LRP1B: variants seen among roughly 807,000 people sequenced by gnomAD.
The protein encoded by LRP1B is LDL receptor related protein 1B, also known as low-density lipoprotein receptor-related protein 1B.
In LRP1B, 217 loss-of-function variants were observed where a neutral mutation model predicts 556.6. The ratio of observed to expected loss-of-function variants is 0.39; its 90% CI spans 0.35 to 0.44. The LOEUF is 0.44. LRP1B is among the 20% of genes least tolerant of loss of function. The probability of loss-of-function intolerance (pLI) is 1.00; values close to 1 mark genes in which losing one functional copy is unlikely to be tolerated. For missense variants in LRP1B, 5,053 were observed against 5,620.8 expected, an observed-to-expected ratio of 0.90 and a Z score of 3.23; for synonymous variants, 2,047 against 1,865.8, an observed-to-expected ratio of 1.10 and a Z score of -2.50.
At chr2:141,062,299 A>C in intron 7 of LRP1B, 26 bp from the exon 8 acceptor site, 2 of 1,519,550 alleles carry the variant, frequency 1.3e-6, no homozygotes, top group Non-Finnish European at 9.0e-7. Context: ...TAAATGTTAA[A>C]GTGGAGGGTG....
At chr2:140,490,715 T>C (rs991436507) in intron 57 of LRP1B, among the ~76,000 whole-genome samples, 16 of 152,084 alleles carry the variant, frequency 1.1e-4, no homozygotes, top group Non-Finnish European at 4.4e-5. Flanking sequence ...AAAAATATGT[T>C]CCCTGAAAGA....
chr2:141,529,863 G>A (rs555385069), intron 2 of LRP1B, among the ~76,000 whole-genome samples: 2 of 152,042 alleles, frequency 1.3e-5, no homozygotes, highest in African/African-American at 4.8e-5. Flanking sequence ...CAAGAAAAAT[G>A]ATCTACTGTA....
At chr2:142,057,606 A>T (rs1704724988) in intron 1 of LRP1B, among the ~76,000 whole-genome samples, 1 of 152,132 alleles carries the variant, frequency 6.6e-6, no homozygotes, top group Admixed American at 6.5e-5. Flanking sequence ...TTTCACCCCT[A>T]GTACGCTCAC....
chr2:141,138,820 C>G (rs2105048448), intron 7 of LRP1B, among the ~76,000 whole-genome samples: 2 of 151,888 alleles, frequency 1.3e-5, no homozygotes, highest in South Asian at 4.2e-4. Context: ...AATGAAATAT[C>G]CTCTAAAGTC....
chr2:141,094,791 A>G (rs1017379504), intron 7 of LRP1B, among the ~76,000 whole-genome samples: 3 of 152,170 alleles, frequency 2.0e-5, no homozygotes, highest in Admixed American at 2.0e-4. Context: ...TTAAGTTTAA[A>G]AGGATAGAAG....
intron 49 of LRP1B, among the ~76,000 whole-genome samples, chr2:140,525,245 T>C (rs1690380685): frequency 6.6e-6 from 1 of 151,910 alleles, no homozygotes; most frequent in African/African-American, 2.4e-5. Flanking sequence ...ATAATTTTTT[T>C]TTAATTTCAT....
At chr2:141,685,468 C>T (rs748593682) in intron 2 of LRP1B, among the ~76,000 whole-genome samples, 3 of 152,030 alleles carry the variant, frequency 2.0e-5, no homozygotes, top group Non-Finnish European at 1.5e-5. Flanking sequence ...GTGGACCATA[C>T]TAAACTGAGT....
intron 85 of LRP1B, among the ~76,000 whole-genome samples, chr2:140,270,628 ATATC>A (rs1227106956): frequency 6.6e-6 from 1 of 151,952 alleles, no homozygotes; most frequent in African/African-American, 2.4e-5. Context: ...ATATACTCTA[ATATC>A]TATCATTTAC....
At chr2:140,725,991 CAA>C (rs1687581242) in intron 35 of LRP1B, among the ~76,000 whole-genome samples, 2 of 152,022 alleles carry the variant, frequency 1.3e-5, no homozygotes, top group South Asian at 4.1e-4. Context: ...TTTAAAATAC[CAA>C]AGAGACAGCC....
At position 141,053,181 on chromosome 2, in the gene LRP1B, C is replaced by T. The variant is rs2380923; in HGVS notation, c.1552+1935G>A. 1.7e-3 allele frequency among the ~76,000 whole-genome samples: 263 copies of T among 152,062 alleles called. 5 individuals carry two copies. The highest frequency in any genetic ancestry group is 0.015 in the Admixed American group (236 of 15,228). ...TAGTAAAAAATACATTTCACAGACA[C>T]TCATATAGCCAAGGGTAGTGGATTT... is the stretch of plus-strand genomic sequence containing the variant. On this transcript the variant is annotated intron_variant, in intron 10 of 90. Coordinates refer to ENST00000389484, the MANE Select transcript of LRP1B (RefSeq NM_018557.3).
intron 55 of LRP1B, among the ~76,000 whole-genome samples, chr2:140,501,336 T>C (rs1689175916): frequency 1.3e-5 from 2 of 152,104 alleles, no homozygotes; most frequent in Non-Finnish European, 2.9e-5. Flanking sequence ...TTCGAAGATG[T>C]ACTGAAGAGA....
chr2:140,974,901 A>G (rs1696545392), intron 18 of LRP1B, among the ~76,000 whole-genome samples: 1 of 152,166 alleles, frequency 6.6e-6, no homozygotes, highest in South Asian at 2.1e-4. Context: ...TCATTCATGA[A>G]ATTGTGTGGT....
intron 66 of LRP1B, among the ~76,000 whole-genome samples, chr2:140,430,506 G>C (rs947091182): frequency 4.6e-5 from 7 of 152,154 alleles, no homozygotes; most frequent in African/African-American, 1.4e-4. Flanking sequence ...TCTAGGCAAT[G>C]CTTATGCTGA....
intron 66 of LRP1B, among the ~76,000 whole-genome samples, chr2:140,396,020 C>T (rs573364542): frequency 1.3e-5 from 2 of 152,234 alleles, no homozygotes; most frequent in Admixed American, 6.5e-5. Context: ...TTCCATTCAT[C>T]GTTCTCTTTC....
At chr2:140,434,003 C>T (rs189663267) in intron 66 of LRP1B, among the ~76,000 whole-genome samples, 16 of 151,902 alleles carry the variant, frequency 1.1e-4, no homozygotes, top group Non-Finnish European at 2.9e-5. Flanking sequence ...CAGGGAAGAT[C>T]TGTTCTCTAC....
chr2:141,091,024 G>A (rs1053941865), intron 7 of LRP1B, among the ~76,000 whole-genome samples: 2 of 152,184 alleles, frequency 1.3e-5, no homozygotes, highest in Non-Finnish European at 2.9e-5. Flanking sequence ...AGTCAATTAT[G>A]TCTGGAGGAC....
Position 141,188,494 on chromosome 2 carries a change from C to A in LRP1B, c.940G>T (p.Gly314Cys), listed in dbSNP as rs771401031. 2 of 1,612,636 alleles carry A rather than the reference C, an allele frequency of 1.2e-6. No homozygotes were observed. The highest frequency in any genetic ancestry group is 2.2e-5 in the South Asian group (2 of 91,032). Residue 314 changes from glycine to cysteine, a missense_variant, in exon 7 of 91, where the codon GGT (glycine) becomes TGT (cysteine). By Grantham distance (159) the Gly-to-Cys change is radical. This residue lies in a region of LRP1B where 3,619 missense variants were observed against 3,931.9 expected (regional missense o/e 0.92). Coordinates refer to ENST00000389484, the MANE Select transcript of LRP1B (RefSeq NM_018557.3). ...GDRIFVCNSN[G>C]SVCVTLIDLE... is the part of the protein sequence containing the mutation. ...TCAATCAGGGTGACACATACAGAAC[C>A]GTTGGAATTACAAACAAAGATCCGG...
intron 83 of LRP1B, among the ~76,000 whole-genome samples, chr2:140,310,414 C>CAAAAAAAAAA (rs10670842): frequency 8.0e-6 from 1 of 124,858 alleles, no homozygotes; most frequent in African/African-American, 3.0e-5. Context: ...CATACGGAAC[C>CAAAAAAAAAA]AAAAAAAAAA....
At position 140,267,624 on chromosome 2, in the gene LRP1B, A is replaced by G. The variant is rs1402528222; in HGVS notation, c.13247+2618T>C. Among the ~76,000 whole-genome samples the G allele has an allele frequency of 3.9e-5, 6 of 151,974 alleles. No individual in the cohort carries two copies. In the East Asian group the frequency reaches 7.8e-4, roughly 20 times the overall value. ...AGAAAAGTCTGTACGGGGTCAGCAC[A>G]GACACAATTTTTATTTCCAAATACT... On this transcript the variant is annotated intron_variant, in intron 86 of 90. Coordinates refer to ENST00000389484, the MANE Select transcript of LRP1B (RefSeq NM_018557.3).
Sources: gnomAD v4.1 joint callset for allele counts (sites outside exome capture counted in the v4.1 genomes callset) on GRCh38, gnomAD v4.1.1 for gene constraint, gnomAD v4.1.1 regional missense constraint, MANE v1.5 for transcripts, NCBI Gene and HGNC (gene_info 2026-07-23, HGNC 2026-07-21) for gene names.